Variants in C12orf42 observed in about 807,000 individuals in gnomAD.
C12orf42 encodes chromosome 12 open reading frame 42.
C12orf42 carries 25 observed loss-of-function variants against 21.6 expected under a neutral mutation model. The observed-to-expected ratio is 1.16, with a 90% CI of 0.84 to 1.62. The LOEUF is 1.62. Ranked by LOEUF, C12orf42 falls within the 40% of genes most tolerant of loss-of-function variation. The probability of loss-of-function intolerance (pLI) is 0.00; values close to 1 mark genes in which losing one functional copy is unlikely to be tolerated. For missense variants in C12orf42, 483 were observed against 459.3 expected, an observed-to-expected ratio of 1.05 and a Z score of -0.47; for synonymous variants, 174 against 175.0, an observed-to-expected ratio of 0.99 and a Z score of 0.05.
At chr12:103,372,360 T>C (rs1566178200) in intron 3 of C12orf42, among the ~76,000 whole-genome samples, 1 of 152,170 alleles carries the variant, frequency 6.6e-6, no homozygotes, top group African/African-American at 2.4e-5. Flanking sequence ...AATCACCTGG[T>C]GAACATGTTA....
At chr12:103,075,052 C>T in the C12orf42 span, among the ~76,000 whole-genome samples, 3 of 152,120 alleles carry the variant, frequency 2.0e-5, no homozygotes, top group Non-Finnish European at 4.4e-5. Flanking sequence ...CATGCCATTG[C>T]ACTCCAGCCT....
At chr12:103,410,436 T>C (rs2048748226) in intron 2 of C12orf42, among the ~76,000 whole-genome samples, 1 of 152,214 alleles carries the variant, frequency 6.6e-6, no homozygotes, top group South Asian at 2.1e-4. Flanking sequence ...CTTTCTCCTA[T>C]AGAATTTTTA....
the C12orf42 span, among the ~76,000 whole-genome samples, chr12:103,058,482 G>T: frequency 6.6e-6 from 1 of 152,172 alleles, no homozygotes; most frequent in African/African-American, 2.4e-5. Flanking sequence ...GGATCAAGTG[G>T]ACCAAATAGA....
the C12orf42 span, among the ~76,000 whole-genome samples, chr12:103,167,193 G>C: frequency 1.3e-5 from 2 of 152,030 alleles, no homozygotes; most frequent in Non-Finnish European, 2.9e-5. Context: ...GCTCCGACTT[G>C]GCCCAGCCCC....
chr12:103,232,124 G>C, the C12orf42 span, among the ~76,000 whole-genome samples: 2 of 152,040 alleles, frequency 1.3e-5, no homozygotes, highest in Non-Finnish European at 2.9e-5. Context: ...GTCTGTTTAG[G>C]TCTTTGGGCC....
chr12:103,306,845 A>C (rs2038392814), intron 4 of C12orf42, among the ~76,000 whole-genome samples: 1 of 152,214 alleles, frequency 6.6e-6, no homozygotes, highest in African/African-American at 2.4e-5. Context: ...GTGAGCCATA[A>C]TCTAATAAGA....
intron 3 of C12orf42, among the ~76,000 whole-genome samples, chr12:103,380,225 T>C (rs758044010): frequency 6.6e-6 from 1 of 152,224 alleles, no homozygotes; most frequent in African/African-American, 2.4e-5. Flanking sequence ...TTGGCCTGAC[T>C]TCCTCCAGTG....
rs1192087773 is a variant in C12orf42 at position 103,306,033 on chromosome 12, T to A, written c.572A>T (p.His191Leu). The change falls in exon 5 of 6, where the codon CAC becomes CTC. Residue 191 changes from histidine to leucine, a missense_variant. Physicochemically the swap from His to Leu is moderately conservative, Grantham distance 99. Transcript: ENST00000548883. ...NPVHLEAQGI[H>L]ISRHTRPKGQ... ...CTTAGGTCTTGTGTGTCTACTGATG[T>A]GTATGCCCTGAGCCTCCAGGTGAAC... The A allele has an allele frequency of 3.7e-6, 6 of 1,613,880 alleles. No homozygotes were observed. Among genetic ancestry groups the A allele is most frequent in the Non-Finnish European group, 5.1e-6 (6 of 1,179,856 alleles).
At chr12:103,491,688 A>G (rs9971679) in intron 1 of C12orf42, among the ~76,000 whole-genome samples, 95 of 152,302 alleles carry the variant, frequency 6.2e-4, no homozygotes, top group African/African-American at 2.2e-3. Context: ...AGATCCTCCA[A>G]TGTAATTTGT....
intron 4 of C12orf42, among the ~76,000 whole-genome samples, chr12:103,285,128 T>A (rs769085663): frequency 3.3e-5 from 5 of 152,222 alleles, no homozygotes; most frequent in Non-Finnish European, 7.3e-5. Flanking sequence ...AAAAGCCTCC[T>A]GGATACTGCT....
At chr12:103,231,252 G>A in the C12orf42 span, among the ~76,000 whole-genome samples, 1 of 152,150 alleles carries the variant, frequency 6.6e-6, no homozygotes. Flanking sequence ...ACCATTATCA[G>A]TATCCCCCAC....
the C12orf42 span, among the ~76,000 whole-genome samples, chr12:103,095,147 T>C: frequency 6.6e-6 from 1 of 152,142 alleles, no homozygotes; most frequent in African/African-American, 2.4e-5. Flanking sequence ...AGCCCCCTGA[T>C]TGGTCCCTTC....
At position 103,401,643 on chromosome 12, in the gene C12orf42, A is replaced by G; in HGVS notation, c.111T>C (p.Ser37=). Reference sequence around the variant, plus strand: ...GTGTGCTTCTATCCCACAGGGTGGCACTGCTCACAATGGGAATATAGCAAG... The same window carrying G: ...GTGTGCTTCTATCCCACAGGGTGGCGCTGCTCACAATGGGAATATAGCAAG... ...KSPCYIPIVS[S]ATLWDRSTPS... Residue 37 remains serine, a synonymous_variant, in exon 3 of 6, where the codon AGT becomes AGC. Transcript: ENST00000548883. 6.2e-7 allele frequency: 1 copy of G among 1,613,972 alleles called. No homozygotes were observed. Among genetic ancestry groups the G allele is most frequent in the Non-Finnish European group, 8.5e-7 (1 of 1,179,846 alleles).
intron 1 of C12orf42, among the ~76,000 whole-genome samples, chr12:103,493,750 AAGAAAAAGG>A (rs1955336198): frequency 6.6e-6 from 1 of 151,896 alleles, no homozygotes; most frequent in Non-Finnish European, 1.5e-5. Flanking sequence ...CCTTAGAGAT[AAGAAAAAGG>A]AGAAAAAGAC....
intron 2 of C12orf42, among the ~76,000 whole-genome samples, chr12:103,418,512 T>C (rs1446473484): frequency 6.6e-6 from 1 of 152,108 alleles, no homozygotes; most frequent in Non-Finnish European, 1.5e-5. Context: ...TTTTTAACTG[T>C]CTGCATATAG....
At chr12:103,210,281 A>G in the C12orf42 span, among the ~76,000 whole-genome samples, 1 of 152,050 alleles carries the variant, frequency 6.6e-6, no homozygotes, top group East Asian at 1.9e-4. Flanking sequence ...AAACAATTCT[A>G]TTTTTCTGTT....
chr12:103,439,561 GAAA>G (rs1369814141), intron 2 of C12orf42, among the ~76,000 whole-genome samples: 1 of 132,012 alleles, frequency 7.6e-6, no homozygotes, highest in Non-Finnish European at 1.6e-5. Flanking sequence ...AAATTTACAA[GAAA>G]AAAACAAACA....
the C12orf42 span, among the ~76,000 whole-genome samples, chr12:103,133,308 C>A: frequency 5.9e-5 from 9 of 152,128 alleles, no homozygotes; most frequent in Non-Finnish European, 1.3e-4. Context: ...CATGACACAC[C>A]CACTTCCCAG....
At chr12:103,396,420 G>A (rs1156342808) in intron 3 of C12orf42, 3 of 152,122 alleles carry the variant, frequency 2.0e-5, no homozygotes, top group African/African-American at 7.2e-5. Flanking sequence ...AAATTACCCA[G>A]TCTCACAAGT....
Sources: allele counts gnomAD v4.1 joint callset (sites outside exome capture counted in the v4.1 genomes callset), GRCh38; gene constraint gnomAD v4.1.1; transcripts MANE v1.5; gene names NCBI Gene and HGNC (gene_info 2026-07-23, HGNC 2026-07-21).